SPAG16: variants seen among roughly 807,000 people sequenced by gnomAD.
SPAG16 encodes the protein sperm associated antigen 16.
SPAG16 carries 86 observed loss-of-function variants against 80.4 expected under a neutral mutation model. The observed-to-expected ratio is 1.07, with a 90% CI of 0.90 to 1.28. SPAG16 has a LOEUF of 1.28. SPAG16 is among the 50% of genes most tolerant of loss of function. The probability of loss-of-function intolerance (pLI) is 0.00; values close to 1 mark genes in which losing one functional copy is unlikely to be tolerated. For synonymous variants in SPAG16, 294 were observed against 265.9 expected (o/e 1.11, Z -1.03); for missense variants, 870 against 765.3 (o/e 1.14, Z -1.61).
chr2:213,309,228 A>G (rs958044976), intron 3 of SPAG16, among the ~76,000 whole-genome samples: 13 of 152,132 alleles, frequency 8.5e-5, no homozygotes, highest in African/African-American at 2.7e-4. Flanking sequence ...CAACTAGTCA[A>G]CTATCTCATG....
intron 9 of SPAG16, among the ~76,000 whole-genome samples, chr2:213,429,348 C>A (rs2070146593): frequency 6.6e-6 from 1 of 152,062 alleles, no homozygotes; most frequent in Admixed American, 6.5e-5. Flanking sequence ...CAGTTCCACC[C>A]AACTTGACCC....
At chr2:213,805,269 A>G (rs1400422712) in intron 10 of SPAG16, among the ~76,000 whole-genome samples, 2 of 152,170 alleles carry the variant, frequency 1.3e-5, no homozygotes, top group Non-Finnish European at 2.9e-5. Flanking sequence ...GATGACACCA[A>G]GAAAGGAGAG....
intron 10 of SPAG16, among the ~76,000 whole-genome samples, chr2:213,536,386 T>C (rs959069274): frequency 6.6e-6 from 1 of 152,184 alleles, no homozygotes; most frequent in Non-Finnish European, 1.5e-5. Context: ...TAATTTTAGA[T>C]CCCTGAGGAA....
At chr2:214,352,519 G>C (rs1212498094) in intron 15 of SPAG16, among the ~76,000 whole-genome samples, 1 of 119,446 alleles carries the variant, frequency 8.4e-6, no homozygotes, top group Non-Finnish European at 1.7e-5. Context: ...TGTAACATTT[G>C]TCACACAGAT....
At chr2:213,636,118 T>G (rs1162942246) in intron 10 of SPAG16, among the ~76,000 whole-genome samples, 2 of 152,160 alleles carry the variant, frequency 1.3e-5, no homozygotes, top group Non-Finnish European at 2.9e-5. Flanking sequence ...CTTGAGTTGA[T>G]TTTTTGTATA....
intron 7 of SPAG16, among the ~76,000 whole-genome samples, chr2:213,351,335 G>T (rs536856411): frequency 6.6e-6 from 1 of 152,110 alleles, no homozygotes; most frequent in Non-Finnish European, 1.5e-5. Flanking sequence ...TATATAAAAT[G>T]TAGCTGCAAA....
chr2:213,601,409 A>G (rs77381062), intron 10 of SPAG16, among the ~76,000 whole-genome samples: 4 of 152,116 alleles, frequency 2.6e-5, no homozygotes, highest in Non-Finnish European at 5.9e-5. Flanking sequence ...CATTGTGTAC[A>G]TGCATGTATA....
intron 14 of SPAG16, among the ~76,000 whole-genome samples, chr2:214,136,030 C>T (rs1286019333): frequency 1.3e-5 from 2 of 152,036 alleles, no homozygotes; most frequent in Non-Finnish European, 2.9e-5. Flanking sequence ...GGAAGGGGAG[C>T]TGACAGGTAG....
intron 15 of SPAG16, among the ~76,000 whole-genome samples, chr2:214,261,893 A>C (rs559885183): frequency 6.6e-6 from 1 of 152,176 alleles, no homozygotes; most frequent in Non-Finnish European, 1.5e-5. Context: ...TCTTGGTAGC[A>C]TAGATCATCT....
At chr2:214,335,100 T>C (rs1052873874) in intron 15 of SPAG16, among the ~76,000 whole-genome samples, 1 of 152,176 alleles carries the variant, frequency 6.6e-6, no homozygotes, top group African/African-American at 2.4e-5. Flanking sequence ...CAGCTGATCC[T>C]ATAGGAAGTT....
intron 9 of SPAG16, among the ~76,000 whole-genome samples, chr2:213,403,665 C>G (rs1165874842): frequency 1.3e-5 from 2 of 152,198 alleles, no homozygotes; most frequent in African/African-American, 4.8e-5. Context: ...GATGCCCCCT[C>G]TCATCATTCC....
intron 10 of SPAG16, among the ~76,000 whole-genome samples, chr2:213,600,121 T>C (rs1482011675): frequency 7.4e-6 from 1 of 135,394 alleles, no homozygotes; most frequent in African/African-American, 2.6e-5. Flanking sequence ...TTTTTTCTCT[T>C]TATATTTTTT....
chr2:213,618,481 A>G (rs1057411228), intron 10 of SPAG16, among the ~76,000 whole-genome samples: 1 of 152,178 alleles, frequency 6.6e-6, no homozygotes, highest in African/African-American at 2.4e-5. Flanking sequence ...GCTTTCCTCA[A>G]CAGGTTATGA....
At chr2:213,438,092 T>C (rs2070741487) in intron 9 of SPAG16, among the ~76,000 whole-genome samples, 1 of 152,238 alleles carries the variant, frequency 6.6e-6, no homozygotes, top group Non-Finnish European at 1.5e-5. Flanking sequence ...TATGTCTCCT[T>C]TTCTGTCTTT....
intron 15 of SPAG16, among the ~76,000 whole-genome samples, chr2:214,187,683 A>AGGT (rs879307095): frequency 3.3e-5 from 5 of 151,808 alleles, no homozygotes; most frequent in Admixed American, 6.6e-5. Flanking sequence ...AATGTCTGCC[A>AGGT]TAACAAACCT....
In SPAG16 at chr2:214,349,149, C is replaced by T. The variant is rs375556044; in HGVS notation, c.1721-60991C>T. Among the ~76,000 whole-genome samples, 4 of 152,102 alleles carry T rather than the reference C, an allele frequency of 2.6e-5. No individual in the cohort carries two copies. The East Asian group carries it at 5.8e-4, about 22-fold the overall frequency. On this transcript the variant is annotated intron_variant, in intron 15 of 15. Coordinates refer to ENST00000331683, the MANE Select transcript of SPAG16 (RefSeq NM_024532.5). ...GGCACCTACCTGCAGGGAGCAGACT[C>T]CCTGCATGTGTACATTCAAGGCCAA...
At chr2:213,923,053 G>A (rs183054645) in intron 11 of SPAG16, among the ~76,000 whole-genome samples, 1 of 152,296 alleles carries the variant, frequency 6.6e-6, no homozygotes, top group East Asian at 1.9e-4. Flanking sequence ...GCAGGGGTGA[G>A]TGGAGTTGCC....
At chr2:213,825,842 T>A (rs2073259579) in intron 10 of SPAG16, among the ~76,000 whole-genome samples, 1 of 152,032 alleles carries the variant, frequency 6.6e-6, no homozygotes, top group East Asian at 1.9e-4. Context: ...TATTAGGTCT[T>A]CTTTAAATGT....
At chr2:214,217,653 A>G (rs1036382004) in intron 15 of SPAG16, among the ~76,000 whole-genome samples, 1 of 152,260 alleles carries the variant, frequency 6.6e-6, no homozygotes, top group Non-Finnish European at 1.5e-5. Context: ...TGCTAAAAGA[A>G]TAGGCCACAA....
Sources: allele counts gnomAD v4.1 joint callset (sites outside exome capture counted in the v4.1 genomes callset), GRCh38; gene constraint gnomAD v4.1.1; transcripts MANE v1.5; gene names NCBI Gene and HGNC (gene_info 2026-07-23, HGNC 2026-07-21).